GABRG2: variants seen among roughly 807,000 people sequenced by gnomAD.
GABRG2 encodes gamma-aminobutyric acid receptor subunit gamma-2.
A neutral mutation model predicts 56.4 loss-of-function variants in GABRG2; 16 were observed. The ratio of observed to expected loss-of-function variants is 0.28; its 90% CI spans 0.19 to 0.43. GABRG2 has a LOEUF of 0.43. Ranked by LOEUF, GABRG2 falls within the 20% of genes least tolerant of loss-of-function variation. GABRG2 has a pLI of 1.00. For missense variants in GABRG2, 327 were observed against 582.7 expected, an observed-to-expected ratio of 0.56 and a Z score of 4.52; for synonymous variants, 208 against 205.5, an observed-to-expected ratio of 1.01 and a Z score of -0.10.
chr5:162,130,231 C>T (rs373626617), intron 6 of GABRG2, among the ~76,000 whole-genome samples: 1 of 151,832 alleles, frequency 6.6e-6, no homozygotes, highest in African/African-American at 2.4e-5. Context: ...AGTTGAAAAT[C>T]GAGTGCTTGA....
intron 1 of GABRG2, among the ~76,000 whole-genome samples, chr5:162,092,672 C>T (rs759533201): frequency 3.8e-4 from 58 of 152,092 alleles, no homozygotes; most frequent in Non-Finnish European, 7.1e-4. Context: ...ATAAATCTGG[C>T]TTGAGAATAT....
chr5:162,151,957 CA>C, intron 9 of GABRG2: 1 of 485,254 alleles, frequency 2.1e-6, no homozygotes, highest in Non-Finnish European at 3.6e-6. Flanking sequence ...ACACCAAGCC[CA>C]AAAGCTATAA....
At chr5:162,074,355 A>G (rs1210048343) in intron 1 of GABRG2, among the ~76,000 whole-genome samples, 1 of 152,076 alleles carries the variant, frequency 6.6e-6, no homozygotes, top group Non-Finnish European at 1.5e-5. Flanking sequence ...AAAGAAAACC[A>G]TGTAAGTACC....
At chr5:162,081,214 A>C (rs1488656752) in intron 1 of GABRG2, among the ~76,000 whole-genome samples, 1 of 152,026 alleles carries the variant, frequency 6.6e-6, no homozygotes, top group Non-Finnish European at 1.5e-5. Flanking sequence ...TCTCCCAAAA[A>C]ATTTTTTAAA....
At chr5:162,067,643 T>A (rs1758312859), upstream of GABRG2, 1 of 545,616 alleles carries the variant, frequency 1.8e-6, no homozygotes, top group Non-Finnish European at 3.2e-6. Context: ...GGAGAACGCG[T>A]AAGTGTGAGG....
At chr5:162,145,873 G>A (rs1242384322) in intron 7 of GABRG2, among the ~76,000 whole-genome samples, 1 of 152,152 alleles carries the variant, frequency 6.6e-6, no homozygotes, top group Non-Finnish European at 1.5e-5. Flanking sequence ...AATATCAGTT[G>A]TGATTAGGTA....
At chr5:162,129,944 G>A (rs1168873914) in intron 6 of GABRG2, among the ~76,000 whole-genome samples, 3 of 151,712 alleles carry the variant, frequency 2.0e-5, no homozygotes, top group Non-Finnish European at 2.9e-5. Context: ...AGAAGAGATC[G>A]GATTCACCCA....
At chr5:162,102,031 A>C (rs1761456596) in intron 5 of GABRG2, 1 of 156,082 alleles carries the variant, frequency 6.4e-6, no homozygotes, top group African/African-American at 2.4e-5. Context: ...GGACAGAATA[A>C]AAATCTGATT....
chr5:162,106,276 T>A (rs1370007418), intron 6 of GABRG2, among the ~76,000 whole-genome samples: 3 of 152,200 alleles, frequency 2.0e-5, no homozygotes, highest in Admixed American at 2.0e-4. Context: ...ATGTAACTGA[T>A]CTCATCAACT....
chr5:162,104,022 T>A lies in GABRG2; in HGVS notation c.765T>A (p.Thr255=). 2 of 1,614,000 alleles carry A rather than the reference T, an allele frequency of 1.2e-6. No homozygotes were observed. The highest frequency in any genetic ancestry group is 1.7e-6 in the Non-Finnish European group (2 of 1,179,936). ...ATACCACCGAAGTAGTGAAGACAAC[T>A]TCCGGTAAGATGCACTGGCAAAGAA... ...LRNTTEVVKT[T]SGDYVVMSVY... is the part of the protein sequence containing the mutation. The change falls in exon 6 of 10, where the codon ACT becomes ACA. Residue 255 remains threonine, a synonymous_variant. Transcript: ENST00000639213.
rs1561649233 is a variant in GABRG2, at chr5:162,114,933, G to GTTTGTTGCCGTTTTGC, written c.769+10915_769+10930dup. The stretch of plus-strand genomic sequence containing the variant: ...GCTAAAAGCTTTGTTGCCGTTTTTG[G>GTTTGTTGCCGTTTTGC]TTTGTTGCCGTTTTGCTTTGTTGTC... On this transcript the variant is annotated intron_variant, in intron 6 of 9. Coordinates refer to ENST00000639213, the MANE Select transcript of GABRG2 (RefSeq NM_198904.4). Among the ~76,000 whole-genome samples, 5 of 151,346 alleles carry GTTTGTTGCCGTTTTGC rather than the reference G, an allele frequency of 3.3e-5. No homozygotes were observed. The South Asian group carries it at 8.3e-4, about 25-fold the overall frequency.
intron 9 of GABRG2, 110 bp from the exon 10 acceptor site, chr5:162,152,983 T>G (rs761035522): frequency 2.1e-5 from 27 of 1,273,052 alleles, no homozygotes; most frequent in Non-Finnish European, 3.1e-5. Context: ...AGCAATTTCC[T>G]GAGTACCCAT....
chr5:162,082,860 C>A (rs551698189), intron 1 of GABRG2, among the ~76,000 whole-genome samples: 249 of 151,502 alleles, frequency 1.6e-3, no homozygotes, highest in Non-Finnish European at 2.3e-3. Flanking sequence ...AACAATAAAA[C>A]CTTGATTTTG....
chr5:162,085,847 G>A (rs1760054407), intron 1 of GABRG2, among the ~76,000 whole-genome samples: 1 of 151,830 alleles, frequency 6.6e-6, no homozygotes, highest in Admixed American at 6.6e-5. Context: ...TTCTGTTCCT[G>A]TGTTAGTTTG....
chr5:162,097,519 T>C, intron 3 of GABRG2, 119 bp from the exon 4 acceptor site: 1 of 809,516 alleles, frequency 1.2e-6, no homozygotes, highest in Non-Finnish European at 2.0e-6. Flanking sequence ...TTTTGAACTA[T>C]TCAAAGCCAA....
chr5:162,069,061 G>A (rs755836966), intron 1 of GABRG2, among the ~76,000 whole-genome samples: 1 of 152,136 alleles, frequency 6.6e-6, no homozygotes, highest in Admixed American at 6.6e-5. Context: ...CTGGAGACTG[G>A]ACTCCTGAAA....
At chr5:162,104,141 G>A in intron 6 of GABRG2, 115 bp downstream of exon 6, 1 of 965,968 alleles carries the variant, frequency 1.0e-6, no homozygotes, top group South Asian at 1.4e-5. Flanking sequence ...AAAATTAAAT[G>A]AAGTGTTTTA....
At chr5:162,132,737 T>TATTGG (rs1188564880) in intron 6 of GABRG2, among the ~76,000 whole-genome samples, 1 of 151,986 alleles carries the variant, frequency 6.6e-6, no homozygotes, top group African/African-American at 2.4e-5. Flanking sequence ...GCACCTCTCT[T>TATTGG]CTGAAGTGCT....
chr5:162,132,457 A>G (rs1763827587), intron 6 of GABRG2, among the ~76,000 whole-genome samples: 1 of 152,114 alleles, frequency 6.6e-6, no homozygotes, highest in Admixed American at 6.6e-5. Context: ...CATCATTTCT[A>G]TGTCAGAAGG....
Sources: gnomAD v4.1 joint callset for allele counts (sites outside exome capture counted in the v4.1 genomes callset) on GRCh38, gnomAD v4.1.1 for gene constraint, MANE v1.5 for transcripts, NCBI Gene and HGNC (gene_info 2026-07-23, HGNC 2026-07-21) for gene names.